Variants in PPP1R37 observed in about 807,000 individuals in gnomAD.
The protein encoded by PPP1R37 is protein phosphatase 1 regulatory subunit 37, also known as leucine rich repeat containing 68.
In PPP1R37, 21 loss-of-function variants were observed where a neutral mutation model predicts 61.0. That is an observed-to-expected ratio of 0.34 (90% CI 0.24 to 0.50). PPP1R37 has a LOEUF of 0.50. Among genes scored for constraint, PPP1R37 ranks in the 20% least tolerant of loss-of-function variants. PPP1R37 has a pLI of 0.98. For synonymous variants in PPP1R37, 443 were observed against 433.5 expected (o/e 1.02, Z -0.27); for missense variants, 910 against 952.7 (o/e 0.96, Z 0.59).
chr19:45,121,705 G>A lies in PPP1R37; in HGVS notation c.203-16809G>A, dbSNP rs937883866. 6.6e-6 allele frequency among the ~76,000 whole-genome samples: 1 copy of A among 152,238 alleles called. No homozygotes were observed. The highest frequency in any genetic ancestry group is 2.4e-5 in the African/African-American group (1 of 41,468). On this transcript the variant is annotated intron_variant, in intron 1 of 12. Transcript: ENST00000221462. This position sits in a 1 kb window ranked among gnomAD's most constrained non-coding sequence, Gnocchi z 4.2. Reference sequence around the variant, plus strand: ...CTTGAGGGGCCTCTGGATGCCCGCGGTGGGGTGCTGGGGCCTCCACGGGCG... The same window carrying A: ...CTTGAGGGGCCTCTGGATGCCCGCGATGGGGTGCTGGGGCCTCCACGGGCG...
intron 3 of PPP1R37, 62 bp downstream of exon 3, chr19:45,140,343 G>C (rs2122753211): frequency 2.7e-6 from 4 of 1,495,052 alleles, no homozygotes; most frequent in Non-Finnish European, 3.6e-6. Context: ...GCTCCCTAGA[G>C]CTGGGTCTGA....
chr19:45,145,003 A>C lies in PPP1R37; in HGVS notation c.1129+8A>C, dbSNP rs1369771124. 5.9e-6 allele frequency: 9 copies of C among 1,532,548 alleles called. No homozygotes were observed. The East Asian group carries it at 2.2e-4, about 38-fold the overall frequency. The allele number at this position is 1,532,548 out of a possible 1,614,324, so 94.9% of individuals were successfully genotyped here. Reference sequence around the variant, plus strand: ...CCAAGCTCACGTGCGAGGGTAGGGTACGGGGCCGGGCCAGGGTGCGGGCTG... The same window carrying C: ...CCAAGCTCACGTGCGAGGGTAGGGTCCGGGGCCGGGCCAGGGTGCGGGCTG... On this transcript the variant is annotated splice_region_variant and intron_variant, in intron 9 of 12. Coordinates refer to ENST00000221462, the MANE Select transcript of PPP1R37 (RefSeq NM_019121.2).
At chr19:45,131,537 G>T (rs1452705921) in intron 1 of PPP1R37, among the ~76,000 whole-genome samples, 1 of 152,220 alleles carries the variant, frequency 6.6e-6, no homozygotes, top group Non-Finnish European at 1.5e-5. Context: ...TAAGATGGAG[G>T]TCTAGTTATG....
intron 1 of PPP1R37, among the ~76,000 whole-genome samples, chr19:45,133,542 G>T (rs900853482): frequency 2.6e-5 from 4 of 152,200 alleles, no homozygotes; most frequent in African/African-American, 9.6e-5. Flanking sequence ...CCACTGCGCA[G>T]CCCTTCCCTT....
intron 5 of PPP1R37, among the ~76,000 whole-genome samples, 190 bp downstream of exon 5, chr19:45,141,631 C>T (rs1022041286): frequency 3.3e-5 from 5 of 152,222 alleles, no homozygotes; most frequent in Non-Finnish European, 5.9e-5. Context: ...GCCCCCTGGC[C>T]CCTTCTCTCC....
intron 1 of PPP1R37, among the ~76,000 whole-genome samples, chr19:45,110,492 C>T (rs1968187026): frequency 6.6e-6 from 1 of 152,086 alleles, no homozygotes; most frequent in Admixed American, 6.6e-5. Flanking sequence ...CTAACTATTC[C>T]TCCAAATCTG....
At chr19:45,100,639 G>A (rs920608087) in intron 1 of PPP1R37, among the ~76,000 whole-genome samples, 2 of 152,222 alleles carry the variant, frequency 1.3e-5, no homozygotes, top group Non-Finnish European at 2.9e-5. Context: ...CCTGTGCGGC[G>A]GCTGAGTGCT....
chr19:45,100,387 C>T (rs1302611125), intron 1 of PPP1R37: 2 of 152,348 alleles, frequency 1.3e-5, no homozygotes, highest in Non-Finnish European at 2.9e-5. Flanking sequence ...CCTTAGTCAT[C>T]ACCAGTCATT....
In PPP1R37 at chr19:45,142,408, A is replaced by G. The variant is rs886117261; in HGVS notation, c.824A>G (p.Asn275Ser). ...CAGCTGGGTAACCTGCTCAAGTTCA[A>G]CTGCTCCCTGCAGATCCTGGACCTC... The part of the protein sequence containing the change: ...SAQLGNLLKF[N>S]CSLQILDLRN... The change falls in exon 7 of 13, where the codon AAC becomes AGC. Residue 275 changes from asparagine to serine, a missense_variant. Transcript: ENST00000221462. 34 of 1,535,950 alleles carry G rather than the reference A, an allele frequency of 2.2e-5. No homozygotes were observed. Among genetic ancestry groups the G allele is most frequent in the African/African-American group, 4.1e-5 (3 of 73,010 alleles).
rs969095925 is a variant in PPP1R37, at chr19:45,145,699, G to C, written c.1643G>C (p.Ser548Thr). The C allele has an allele frequency of 9.1e-6, 14 of 1,534,334 alleles. No individual in the cohort carries two copies. Among genetic ancestry groups the C allele is most frequent in the Middle Eastern group, 1.7e-4 (1 of 5,972 alleles). The change falls in exon 11 of 13, where the codon AGC becomes ACC. Residue 548 changes from serine to threonine, a missense_variant. Transcript: ENST00000221462. Reference protein sequence around the residue: ...LGPGDRSPPGSPSTPTEQRIS... With the variant: ...LGPGDRSPPGTPSTPTEQRIS... ...CCTGGGGACAGGAGTCCCCCAGGCA[G>C]CCCCTCCACACCCACCGAGCAGCGG... is the stretch of plus-strand genomic sequence containing the variant.
intron 5 of PPP1R37, 127 bp downstream of exon 5, chr19:45,141,568 G>T: frequency 7.9e-7 from 1 of 1,260,988 alleles, no homozygotes; most frequent in African/African-American, 1.5e-5. Context: ...TGGGGATGCT[G>T]GGCCTGGCCC....
Position 45,145,704 on chromosome 19 carries a change from T to A in PPP1R37, c.1648T>A (p.Ser550Thr), listed in dbSNP as rs1419647425. ...PGDRSPPGSPSTPTEQRISVS... is the reference protein window; with the variant it reads ...PGDRSPPGSPTTPTEQRISVS... ...GGACAGGAGTCCCCCAGGCAGCCCCTCCACACCCACCGAGCAGCGGATTTC... is the reference window on the plus strand; with the variant it reads ...GGACAGGAGTCCCCCAGGCAGCCCCACCACACCCACCGAGCAGCGGATTTC... Residue 550 changes from serine (S) to threonine (T), a missense_variant, in exon 11 of 13, where the codon TCC (serine) becomes ACC (threonine). Transcript: ENST00000221462. 2.0e-6 allele frequency: 3 copies of A among 1,532,780 alleles called. No individual in the cohort carries two copies. The highest frequency in any genetic ancestry group is 2.4e-5 in the South Asian group (2 of 83,804). The allele number at this position is 1,532,780 out of a possible 1,614,324, so 94.9% of individuals were successfully genotyped here.
At chr19:45,135,564 C>T (rs1376829998) in intron 1 of PPP1R37, among the ~76,000 whole-genome samples, 2 of 152,210 alleles carry the variant, frequency 1.3e-5, no homozygotes, top group Non-Finnish European at 2.9e-5. Flanking sequence ...TTGAGAGTGG[C>T]TCCAGAGCTC....
chr19:45,128,608 C>T, intron 1 of PPP1R37: 2 of 1,261,108 alleles, frequency 1.6e-6, no homozygotes, highest in Admixed American at 1.8e-5. Flanking sequence ...GATGCAGGGG[C>T]CTCGGCCTCC....
At chr19:45,110,473 G>A (rs780903736) in intron 1 of PPP1R37, among the ~76,000 whole-genome samples, 2 of 151,914 alleles carry the variant, frequency 1.3e-5, no homozygotes, top group Non-Finnish European at 2.9e-5. Flanking sequence ...TTTCTCTTAT[G>A]GGTCTTTTCT....
intron 1 of PPP1R37, among the ~76,000 whole-genome samples, chr19:45,112,035 C>G (rs1442685546): frequency 6.6e-6 from 1 of 151,584 alleles, no homozygotes; most frequent in Non-Finnish European, 1.5e-5. Flanking sequence ...GTGGCATAAT[C>G]TTGGCTCACT....
Position 45,140,263 on chromosome 19 carries a change from G to A in PPP1R37, c.328G>A (p.Asp110Asn), listed in dbSNP as rs943285803. Residue 110 changes from aspartate to asparagine, a missense_variant, in exon 3 of 13, where the codon GAC (aspartate) becomes AAC (asparagine). Asp to Asn is a conservative substitution (Grantham distance 23). Around this residue, in one of 3 missense-constraint regions of PPP1R37, gnomAD observed 280 missense variants for 382.2 expected, o/e 0.73. Coordinates refer to ENST00000221462, the MANE Select transcript of PPP1R37 (RefSeq NM_019121.2). ...ATTCACAGACCTCGGGCACCGCCTC[G>A]ACTGTCTGGACCTGAAAGGTGTGTG... The part of the protein sequence containing the change: ...QEFTDLGHRL[D>N]CLDLKGEKLD... 14 of 1,535,950 alleles carry A rather than the reference G, an allele frequency of 9.1e-6. No homozygotes were observed. Among genetic ancestry groups the A allele is most frequent in the African/African-American group, 2.7e-5 (2 of 73,036 alleles).
chr19:45,125,536 A>AGG (rs1475362876), intron 1 of PPP1R37, among the ~76,000 whole-genome samples: 2 of 152,234 alleles, frequency 1.3e-5, no homozygotes, highest in African/African-American at 4.8e-5. Flanking sequence ...TGATGGGTGC[A>AGG]GGGATGGCTG....
intron 1 of PPP1R37, among the ~76,000 whole-genome samples, chr19:45,107,535 T>G (rs1213764438): frequency 6.6e-6 from 1 of 152,080 alleles, no homozygotes; most frequent in East Asian, 1.9e-4. Flanking sequence ...GCCCAGGAGG[T>G]CGAGGCTGCA....
Sources: allele counts gnomAD v4.1 joint callset (sites outside exome capture counted in the v4.1 genomes callset), GRCh38; gene constraint gnomAD v4.1.1; regional missense constraint gnomAD v4.1.1; non-coding constraint Gnocchi (gnomAD v3.1); transcripts MANE v1.5; gene names NCBI Gene and HGNC (gene_info 2026-07-23, HGNC 2026-07-21).